The following CAND1 variants were observed in gnomAD, a reference collection of about 807,000 sequenced individuals.
The protein encoded by CAND1 is cullin associated and neddylation dissociated 1.
Under a neutral mutation model 108.5 loss-of-function variants are expected in CAND1, and 7 were observed. The ratio of observed to expected loss-of-function variants is 0.06; its 90% confidence interval spans 0.04 to 0.12. The LOEUF (loss-of-function observed/expected upper bound fraction) is 0.12. Ranked by LOEUF, CAND1 falls within the 10% of genes least tolerant of loss-of-function variation. CAND1 has a pLI of 1.00. For missense variants in CAND1, 941 were observed against 1,448.7 expected (o/e 0.65, Z 5.69); for synonymous variants, 534 against 512.0 (o/e 1.04, Z -0.58).
chr12:67,288,288 T>C (rs56009409), intron 2 of CAND1, among the ~76,000 whole-genome samples: 13,400 of 151,824 alleles, frequency 0.088, 1,300 homozygotes, highest in African/African-American at 0.24. Flanking sequence ...ACCATCTCAC[T>C]TGGCTAATTT....
At chr12:67,284,969 G>C (rs2135997986) in intron 2 of CAND1, among the ~76,000 whole-genome samples, 1 of 152,264 alleles carries the variant, frequency 6.6e-6, no homozygotes, top group African/African-American at 2.4e-5. Flanking sequence ...TTATGTGGGA[G>C]AAACAAGTCA....
rs1425068229 is a variant in CAND1, at chr12:67,269,571, C to T, written c.-147C>T. 1.1e-5 allele frequency: 7 copies of T among 644,894 alleles called. No homozygotes were observed. Among genetic ancestry groups the T allele is most frequent in the South Asian group, 7.9e-5 (4 of 50,668 alleles). The allele number at this position is 644,894 out of a possible 1,614,324, so 39.9% of individuals were successfully genotyped here. The stretch of plus-strand genomic sequence containing the variant: ...GAGGGGGCAGCCCGTCGAGGCGCCT[C>T]CCTAGTCAGCGTCGGCGTCGCGCTG... On this transcript the variant is annotated 5_prime_UTR_variant, in exon 1 of 15. Coordinates refer to ENST00000545606, the MANE Select transcript of CAND1 (RefSeq NM_018448.5).
intron 9 of CAND1, 31 bp downstream of exon 9, chr12:67,304,777 C>A (rs1170240244): frequency 1.9e-6 from 3 of 1,606,150 alleles, no homozygotes; most frequent in South Asian, 2.2e-5. Context: ...TCTTTTGGGA[C>A]TTATTGTAGC....
rs1239783322 is a variant in CAND1 at position 67,314,739 on chromosome 12, T to G, written c.*1909T>G. 1.3e-5 allele frequency: 2 copies of G among 152,224 alleles called. No homozygotes were observed. The highest frequency in any genetic ancestry group is 6.5e-5 in the Admixed American group (1 of 15,286). The allele number at this position is 152,224 out of a possible 1,614,324, so 9.4% of individuals were successfully genotyped here. The stretch of plus-strand genomic sequence containing the variant: ...TTTAACTTTCAAGATGCATGTTTTG[T>G]TTTGTTTTGCTTTGTTTTTGTCTCT... On this transcript the variant is annotated 3_prime_UTR_variant, in exon 15 of 15. Coordinates refer to ENST00000545606, the MANE Select transcript of CAND1 (RefSeq NM_018448.5).
intron 2 of CAND1, 114 bp from the exon 3 acceptor site, chr12:67,292,508 G>T (rs11176674): frequency 0.067 from 45,120 of 674,596 alleles, 1,923 homozygotes; most frequent in Middle Eastern, 0.11. Context: ...TACAGACATG[G>T]TATATACTTT....
At position 67,310,329 on chromosome 12, in the gene CAND1, T is replaced by G. The variant is rs1220764614; in HGVS notation, c.3360+13T>G. ...TTATGATATTAAGGTAAGATGTTTG[T>G]GCCTATTTATACAATGTTTTAGAAG... is the stretch of plus-strand genomic sequence containing the variant. On this transcript the variant is annotated intron_variant, in intron 13 of 14. Coordinates refer to ENST00000545606, the MANE Select transcript of CAND1 (RefSeq NM_018448.5). The G allele has an allele frequency of 6.4e-7, 1 of 1,571,986 alleles. No homozygotes were observed. Among genetic ancestry groups the G allele is most frequent in the East Asian group, 2.3e-5 (1 of 44,368 alleles).
At position 67,297,740 on chromosome 12, in the gene CAND1, T is replaced by A; in HGVS notation, c.749-8T>A. 6.3e-7 allele frequency: 1 copy of A among 1,592,318 alleles called. No individual in the cohort carries two copies. Among genetic ancestry groups the A allele is most frequent in the Non-Finnish European group, 8.6e-7 (1 of 1,168,784 alleles). On this transcript the variant is annotated splice_polypyrimidine_tract_variant and splice_region_variant and intron_variant, in intron 5 of 14. Coordinates refer to ENST00000545606, the MANE Select transcript of CAND1 (RefSeq NM_018448.5). ...CATGTTTTTAAAGAACCATTATGCT[T>A]TTCTTAGGTGAATACCTTGAGAAGA...
intron 4 of CAND1, among the ~76,000 whole-genome samples, chr12:67,296,035 G>A (rs2044765705): frequency 6.6e-6 from 1 of 152,172 alleles, no homozygotes; most frequent in South Asian, 2.1e-4. Context: ...GAATACATAA[G>A]TAGTATGCGA....
At chr12:67,294,401 T>A (rs1222101195) in intron 3 of CAND1, among the ~76,000 whole-genome samples, 1 of 152,180 alleles carries the variant, frequency 6.6e-6, no homozygotes, top group Admixed American at 6.5e-5. Context: ...GATTTTTTTT[T>A]TTAAAGAAGC....
chr12:67,312,113 C>G (rs1387468065), intron 14 of CAND1, among the ~76,000 whole-genome samples: 2 of 151,680 alleles, frequency 1.3e-5, no homozygotes, highest in Admixed American at 6.6e-5. Context: ...GAAGGGGAGT[C>G]AGAAGGTTTC....
chr12:67,300,661 A>G (rs1012397701), intron 7 of CAND1, among the ~76,000 whole-genome samples: 3 of 152,102 alleles, frequency 2.0e-5, no homozygotes, highest in Non-Finnish European at 4.4e-5. Flanking sequence ...ACTTTCTGAC[A>G]TACTGTAATT....
intron 1 of CAND1, among the ~76,000 whole-genome samples, chr12:67,281,631 G>A (rs1176808973): frequency 6.6e-6 from 1 of 152,150 alleles, no homozygotes; most frequent in Non-Finnish European, 1.5e-5. Flanking sequence ...CTGACCTGGG[G>A]AAAATAATTT....
chr12:67,298,352 C>T (rs1001673386), intron 6 of CAND1, among the ~76,000 whole-genome samples: 1 of 142,742 alleles, frequency 7.0e-6, no homozygotes, highest in Admixed American at 6.6e-5. Context: ...TTCCTCTTGA[C>T]TAATGCAGTA....
At chr12:67,282,436 T>C (rs185480378) in intron 2 of CAND1, among the ~76,000 whole-genome samples, 3 of 152,304 alleles carry the variant, frequency 2.0e-5, no homozygotes, top group East Asian at 3.9e-4. Context: ...TAAAAACTAA[T>C]AATAATAACA....
chr12:67,296,590 T>A (rs1281189045), intron 4 of CAND1, among the ~76,000 whole-genome samples: 3 of 151,594 alleles, frequency 2.0e-5, no homozygotes, highest in Non-Finnish European at 4.4e-5. Flanking sequence ...GCCCACCACC[T>A]CCACTGGCTA....
Position 67,312,940 on chromosome 12 carries a change from C to T in CAND1, c.*110C>T. 1.5e-6 allele frequency: 1 copy of T among 646,206 alleles called. No homozygotes were observed. The highest frequency in any genetic ancestry group is 2.5e-6 in the Non-Finnish European group (1 of 398,276). The allele number at this position is 646,206 out of a possible 1,614,324, so 40.0% of individuals were successfully genotyped here. On this transcript the variant is annotated 3_prime_UTR_variant, in exon 15 of 15. Transcript: ENST00000545606. ...TGTCTAAAAGCTTCAAAATGTTCCA[C>T]TTTTTTTTCCTTCATGGAGACTGTT...
In CAND1 at chr12:67,269,883, G is replaced by T; in HGVS notation, c.68+98G>T. On this transcript the variant is annotated intron_variant, in intron 1 of 14. Coordinates refer to ENST00000545606, the MANE Select transcript of CAND1 (RefSeq NM_018448.5). ...TGCCCCACCCCTTCGGCCGTAGCCG[G>T]TAGCTTCTCTGCCCCGAAGTCTCCA... 6 of 1,008,218 alleles carry T rather than the reference G, an allele frequency of 6.0e-6. No homozygotes were observed. In the South Asian group the frequency reaches 8.8e-5, roughly 15 times the overall value. The allele number at this position is 1,008,218 out of a possible 1,614,324, so 62.5% of individuals were successfully genotyped here. A position where few individuals can be genotyped will look rare whatever the true frequency, so the allele number is the denominator to read the frequency against.
At chr12:67,282,158 T>C (rs2044625684) in intron 2 of CAND1, 105 bp downstream of exon 2, 1 of 1,186,166 alleles carries the variant, frequency 8.4e-7, no homozygotes, top group Non-Finnish European at 1.2e-6. Context: ...ACTATCTCTT[T>C]CTAGTGTGTG....
intron 10 of CAND1, among the ~76,000 whole-genome samples, chr12:67,307,147 C>T (rs1285066474): frequency 6.6e-6 from 1 of 152,006 alleles, no homozygotes; most frequent in Non-Finnish European, 1.5e-5. Flanking sequence ...CGAGATCGTC[C>T]ACTGCTGCTT....
Sources: gnomAD v4.1 joint callset for allele counts (sites outside exome capture counted in the v4.1 genomes callset) on GRCh38, gnomAD v4.1.1 for gene constraint, MANE v1.5 for transcripts, NCBI Gene and HGNC (gene_info 2026-07-23, HGNC 2026-07-21) for gene names.